The following KAZN variants were observed in gnomAD, a reference collection of about 807,000 sequenced individuals.
KAZN encodes the protein kazrin, periplakin interacting protein.
Under a neutral mutation model 87.4 loss-of-function variants are expected in KAZN, and 40 were observed. That is an observed-to-expected ratio of 0.46 (90% CI 0.36 to 0.60). The LOEUF (loss-of-function observed/expected upper bound fraction) is 0.60, where lower values mean the gene tolerates loss of function less well. Ranked by LOEUF, KAZN falls within the 20% of genes least tolerant of loss-of-function variation. The pLI is 0.00. For missense variants in KAZN, 898 were observed against 1,073.9 expected (o/e 0.84, Z 2.29); for synonymous variants, 466 against 458.3 (o/e 1.02, Z -0.22).
chr1:15,064,232 C>A (rs1294073013), intron 7 of KAZN, among the ~76,000 whole-genome samples: 1 of 152,164 alleles, frequency 6.6e-6, no homozygotes, highest in Non-Finnish European at 1.5e-5. Flanking sequence ...TCTGAAGTCA[C>A]CTTTCTAGTC....
intron 2 of KAZN, among the ~76,000 whole-genome samples, chr1:14,963,424 C>T (rs968032232): frequency 1.3e-5 from 2 of 152,172 alleles, no homozygotes; most frequent in Admixed American, 1.3e-4. Context: ...GAAGCAGAGA[C>T]TTTTTCCCAC....
chr1:14,920,846 A>T (rs761839239), intron 1 of KAZN, among the ~76,000 whole-genome samples: 3 of 152,052 alleles, frequency 2.0e-5, no homozygotes, highest in Non-Finnish European at 4.4e-5. Flanking sequence ...AGGGCAGAAA[A>T]TGGGTAGGTT....
chr1:14,622,244 T>G (rs1678753214), intron 1 of KAZN, among the ~76,000 whole-genome samples: 1 of 152,204 alleles, frequency 6.6e-6, no homozygotes, highest in South Asian at 2.1e-4. Flanking sequence ...GACTCCATTC[T>G]GGAAGAGGAG....
intron 1 of KAZN, among the ~76,000 whole-genome samples, chr1:14,146,624 G>A (rs145501840): frequency 6.9e-6 from 1 of 145,756 alleles, no homozygotes; most frequent in Non-Finnish European, 1.5e-5. Flanking sequence ...GGTGCAAAAA[G>A]ACCTTTATTT....
At chr1:14,866,911 T>G (rs1171500638) in intron 1 of KAZN, among the ~76,000 whole-genome samples, 2 of 152,220 alleles carry the variant, frequency 1.3e-5, no homozygotes, top group African/African-American at 4.8e-5. Context: ...CCCTGGTCTA[T>G]GGACACCTCT....
intron 10 of KAZN, among the ~76,000 whole-genome samples, chr1:15,098,036 C>T (rs1472665262): frequency 2.0e-5 from 3 of 152,156 alleles, no homozygotes; most frequent in South Asian, 4.1e-4. Context: ...CTTTTAGTCC[C>T]TACAACTCCA....
rs543667501 is a variant in KAZN, at chr1:14,296,105, G to T, written c.249+115513G>T. On this transcript the variant is annotated intron_variant, in intron 2 of 16. Transcript: ENST00000636203. ...GTATAGGGACAGCACTGAAAGTAGTGCCAAGCTTAGAGGACATACCATGTG... is the reference window on the plus strand; with the variant it reads ...GTATAGGGACAGCACTGAAAGTAGTTCCAAGCTTAGAGGACATACCATGTG... Among the ~76,000 whole-genome samples the T allele has an allele frequency of 4.6e-5, 7 of 152,316 alleles. 1 individual carries two copies. In the South Asian group the frequency reaches 1.4e-3, roughly 32 times the overall value.
chr1:14,149,499 G>A (rs1370140564), intron 1 of KAZN, among the ~76,000 whole-genome samples: 2 of 151,938 alleles, frequency 1.3e-5, no homozygotes, highest in Admixed American at 1.3e-4. Flanking sequence ...CCGGAGTTCT[G>A]GGAACACGGG....
Position 14,723,253 on chromosome 1 carries a change from C to T in KAZN, c.226+124030C>T, listed in dbSNP as rs536934808. Among the ~76,000 whole-genome samples, 9 of 152,288 alleles carry T rather than the reference C, an allele frequency of 5.9e-5. No homozygotes were observed. The East Asian group carries it at 1.5e-3, about 26-fold the overall frequency. ...AGAGATCCTAATCCTGACTCCCAGA[C>T]CTTCTACCTGCTGTCTGCCCCCACA... On this transcript the variant is annotated intron_variant, in intron 1 of 14. Coordinates refer to ENST00000376030, the MANE Select transcript of KAZN (RefSeq NM_201628.3).
At chr1:14,979,934 G>A (rs1415312901) in intron 2 of KAZN, among the ~76,000 whole-genome samples, 1 of 152,108 alleles carries the variant, frequency 6.6e-6, no homozygotes, top group African/African-American at 2.4e-5. Context: ...TGTTGCCCAG[G>A]CTGGAGTATA....
intron 2 of KAZN, among the ~76,000 whole-genome samples, chr1:14,391,219 T>C (rs1032113340): frequency 6.6e-6 from 1 of 152,202 alleles, no homozygotes; most frequent in Non-Finnish European, 1.5e-5. Flanking sequence ...CTGGGCTGTC[T>C]TTCCTCATTC....
At chr1:13,982,818 GC>G (rs1422953476) in intron 1 of KAZN, among the ~76,000 whole-genome samples, 2 of 152,104 alleles carry the variant, frequency 1.3e-5, no homozygotes, top group African/African-American at 4.8e-5. Flanking sequence ...GACACAGGGT[GC>G]TGATTGGTGC....
chr1:14,568,843 G>A (rs180953400), intron 2 of KAZN, among the ~76,000 whole-genome samples: 3 of 152,344 alleles, frequency 2.0e-5, no homozygotes, highest in South Asian at 4.1e-4. Context: ...TAGAAACTAC[G>A]ACGGATCCGA....
chr1:14,166,640 G>A (rs536953592), intron 1 of KAZN, among the ~76,000 whole-genome samples: 1 of 152,228 alleles, frequency 6.6e-6, no homozygotes, highest in African/African-American at 2.4e-5. Context: ...AAAGTTATTG[G>A]TATAAGGGTT....
chr1:14,420,519 G>C (rs1165425302), intron 2 of KAZN, among the ~76,000 whole-genome samples: 1 of 152,190 alleles, frequency 6.6e-6, no homozygotes, highest in Non-Finnish European at 1.5e-5. Context: ...TCAGCCCTTG[G>C]GCAGTCAGTG....
chr1:14,179,259 C>T lies in KAZN; in HGVS notation c.92-1176C>T, dbSNP rs112132957. On this transcript the variant is annotated intron_variant, in intron 1 of 16. Transcript: ENST00000636203. ...TAGCTAACTTAGTCTTCCTGATCTC[C>T]AGCTCCTTAATTCAGTGACATTGCG... Among the ~76,000 whole-genome samples, 1,254 of 152,326 alleles carry T rather than the reference C, an allele frequency of 8.2e-3. 6 individuals carry two copies. Among genetic ancestry groups the T allele is most frequent in the Non-Finnish European group, 0.013 (897 of 68,026 alleles).
chr1:15,035,446 G>T (rs764830869), intron 3 of KAZN, among the ~76,000 whole-genome samples: 26 of 152,184 alleles, frequency 1.7e-4, no homozygotes, highest in Non-Finnish European at 2.1e-4. Flanking sequence ...GGGCTCTGTG[G>T]GGTGAATAGG....
intron 6 of KAZN, 78 bp downstream of exon 6, chr1:15,060,380 C>T: frequency 1.3e-6 from 2 of 1,575,478 alleles, no homozygotes; most frequent in Non-Finnish European, 1.7e-6. Context: ...GGGGTGAAGC[C>T]ATACTCGCTG....
chr1:14,345,807 A>G (rs1368541770), intron 2 of KAZN, among the ~76,000 whole-genome samples: 1 of 152,196 alleles, frequency 6.6e-6, no homozygotes, highest in Admixed American at 6.5e-5. Context: ...TTTGAACACC[A>G]CTGTGCTGGA....
Sources: allele counts gnomAD v4.1 joint callset (sites outside exome capture counted in the v4.1 genomes callset), GRCh38; gene constraint gnomAD v4.1.1; transcripts MANE v1.5; gene names NCBI Gene and HGNC (gene_info 2026-07-23, HGNC 2026-07-21).